FAM20B: variants seen among roughly 807,000 people sequenced by gnomAD.
The protein encoded by FAM20B is FAM20B glycosaminoglycan xylosylkinase.
A neutral mutation model predicts 43.8 loss-of-function variants in FAM20B; 23 were observed. The ratio of observed to expected loss-of-function variants is 0.53; its 90% CI spans 0.38 to 0.74. The LOEUF (loss-of-function observed/expected upper bound fraction) is 0.74. Among genes scored for constraint, FAM20B ranks in the 30% least tolerant of loss-of-function variants. The pLI is 0.00. For missense variants in FAM20B, 440 were observed against 510.5 expected (o/e 0.86, Z 1.33); for synonymous variants, 178 against 192.4 (o/e 0.93, Z 0.62).
chr1:179,035,383 G>A, intron 1 of FAM20B: 2 of 707,750 alleles, frequency 2.8e-6, no homozygotes, highest in Non-Finnish European at 5.2e-6. Context: ...GTCCTCGTGG[G>A]CTTCATGAGA....
chr1:179,051,654 AT>A (rs35065481), intron 3 of FAM20B, among the ~76,000 whole-genome samples: 6 of 151,482 alleles, frequency 4.0e-5, no homozygotes, highest in Non-Finnish European at 1.5e-5. Flanking sequence ...TAATAAATAA[AT>A]TTTTTTTCTG....
upstream of FAM20B, among the ~76,000 whole-genome samples, chr1:179,022,007 T>C (rs1649611426): frequency 6.6e-6 from 1 of 152,250 alleles, no homozygotes; most frequent in Non-Finnish European, 1.5e-5. Context: ...ATGTAGCTTA[T>C]GATGCTGTCC....
At position 179,066,808 on chromosome 1, in the gene FAM20B, A is replaced by G. The variant is rs1651708671; in HGVS notation, c.947A>G (p.Asn316Ser). 1.9e-6 allele frequency: 3 copies of G among 1,611,254 alleles called. No homozygotes were observed. The African/African-American group carries it at 4.0e-5, about 22-fold the overall frequency. The stretch of plus-strand genomic sequence containing the variant: ...TTTAATTTAATTTTCAGCTTTGGGA[A>G]CCCCTCGCTGGATGAAAGAAGCATT... ...ILLDNAKSFG[N>S]PSLDERSILA... Residue 316 changes from asparagine (N) to serine (S), a missense_variant, in exon 7 of 8, where the codon AAC becomes AGC. Coordinates refer to ENST00000263733, the MANE Select transcript of FAM20B (RefSeq NM_014864.4).
chr1:179,037,479 C>CTTTTTTTTTTTT (rs768903406), intron 1 of FAM20B, among the ~76,000 whole-genome samples: 5 of 88,380 alleles, frequency 5.7e-5, no homozygotes, highest in African/African-American at 9.5e-5. Flanking sequence ...GTATGTCGGT[C>CTTTTTTTTTTTT]TTTTTTTTTT....
rs891380995 is a variant in FAM20B at position 179,074,326 on chromosome 1, G to C, written c.*2182G>C. The stretch of plus-strand genomic sequence containing the variant: ...TGTGTCCAGGGAAATTCACAGCTCA[G>C]TATGAGAATACCTTGGTTAGTGCTC... On this transcript the variant is annotated 3_prime_UTR_variant, in exon 8 of 8. Transcript: ENST00000263733. The C allele has an allele frequency of 6.6e-6, 1 of 152,654 alleles. No individual in the cohort carries two copies. Among genetic ancestry groups the C allele is most frequent in the Non-Finnish European group, 1.5e-5 (1 of 68,046 alleles). The allele number at this position is 152,654 out of a possible 1,614,324, so 9.5% of individuals were successfully genotyped here. A position where few individuals can be genotyped will look rare whatever the true frequency, so the allele number is the denominator to read the frequency against.
chr1:179,040,147 C>T (rs866282252), intron 1 of FAM20B, among the ~76,000 whole-genome samples: 13 of 152,352 alleles, frequency 8.5e-5, no homozygotes, highest in African/African-American at 1.4e-4. Flanking sequence ...TACACAGACA[C>T]GGCAACCATC....
Position 179,044,076 on chromosome 1 carries a change from T to C in FAM20B, c.229T>C (p.Tyr77His). The C allele has an allele frequency of 6.2e-7, 1 of 1,614,054 alleles. No homozygotes were observed. The highest frequency in any genetic ancestry group is 1.1e-5 in the South Asian group (1 of 91,078). The change falls in exon 2 of 8, where the codon TAC (tyrosine) becomes CAC (histidine). Residue 77 changes from tyrosine to histidine, a missense_variant. By Grantham distance (83) the Tyr-to-His change is moderately conservative (BLOSUM62 2). Transcript: ENST00000263733. ...CCAGTGGGTGGTTCCCCGGGAAGTG[T>C]ACCCTGAAGAGACACCAGAGCTGGG... The part of the protein sequence containing the change: ...AAQWVVPREV[Y>H]PEETPELGAV...
intron 7 of FAM20B, among the ~76,000 whole-genome samples, chr1:179,069,747 C>G (rs1651836971): frequency 1.3e-5 from 2 of 152,184 alleles, no homozygotes; most frequent in South Asian, 4.1e-4. Flanking sequence ...AGAGGAAGCT[C>G]TGATGCTCTG....
Position 179,043,806 on chromosome 1 carries a change from C to T in FAM20B, c.-42C>T, listed in dbSNP as rs1395731791. On this transcript the variant is annotated 5_prime_UTR_variant, in exon 2 of 8. Coordinates refer to ENST00000263733, the MANE Select transcript of FAM20B (RefSeq NM_014864.4). ...CCATCACCACCAGCTCTCCTTAATA[C>T]ATGAGCAAGAGTGGGTCAGGGGAGA... is the stretch of plus-strand genomic sequence containing the variant. 8.4e-6 allele frequency: 13 copies of T among 1,544,242 alleles called. No homozygotes were observed. Among genetic ancestry groups the T allele is most frequent in the Non-Finnish European group, 9.6e-6 (11 of 1,140,424 alleles).
chr1:179,048,864 A>G (rs1349474524), intron 2 of FAM20B, among the ~76,000 whole-genome samples: 5 of 152,186 alleles, frequency 3.3e-5, no homozygotes, highest in Non-Finnish European at 5.9e-5. Context: ...ATTTCACTTT[A>G]TATTCTAAGG....
intron 1 of FAM20B, among the ~76,000 whole-genome samples, chr1:179,038,374 G>T (rs1228894303): frequency 6.8e-6 from 1 of 147,484 alleles, no homozygotes; most frequent in Non-Finnish European, 1.5e-5. Flanking sequence ...TTGCTCCATG[G>T]CATTCCAGCC....
chr1:179,044,259 T>C, intron 2 of FAM20B, 35 bp downstream of exon 2: 2 of 1,555,342 alleles, frequency 1.3e-6, no homozygotes, highest in Non-Finnish European at 1.7e-6. Flanking sequence ...ATGTGCTAGT[T>C]GGTTGATTCA....
At chr1:179,071,862 G>T (rs561162986) in intron 7 of FAM20B, 51 bp from the exon 8 acceptor site, 4 of 1,302,198 alleles carry the variant, frequency 3.1e-6, no homozygotes, top group Non-Finnish European at 3.3e-6. Context: ...TTTCAACTCC[G>T]TTTGATAATG....
chr1:179,059,357 A>G (rs1182587933), intron 4 of FAM20B, among the ~76,000 whole-genome samples: 1 of 152,184 alleles, frequency 6.6e-6, no homozygotes, highest in Non-Finnish European at 1.5e-5. Flanking sequence ...ATTGCCATGG[A>G]TTGCCTCATT....
At chr1:179,031,736 T>A (rs1295055743) in intron 1 of FAM20B, among the ~76,000 whole-genome samples, 1 of 152,112 alleles carries the variant, frequency 6.6e-6, no homozygotes, top group Non-Finnish European at 1.5e-5. Flanking sequence ...GAATTAGATT[T>A]TCTACACCTG....
rs1220374319 is a variant in FAM20B, at chr1:179,072,368, G to A, written c.*224G>A. ...TGCTGAATCGCCTTCTCACCTCCTC[G>A]GCAATTGCTCATTCTAGGGTTGGGC... is the stretch of plus-strand genomic sequence containing the variant. On this transcript the variant is annotated 3_prime_UTR_variant, in exon 8 of 8. Coordinates refer to ENST00000263733, the MANE Select transcript of FAM20B (RefSeq NM_014864.4). 9 of 543,356 alleles carry A rather than the reference G, an allele frequency of 1.7e-5. No homozygotes were observed. The highest frequency in any genetic ancestry group is 2.3e-5 in the Non-Finnish European group (7 of 302,368). 33.7% of individuals were successfully genotyped at this position (543,356 alleles called of 1,614,324 possible).
chr1:179,059,919 C>T (rs541758597), intron 4 of FAM20B, among the ~76,000 whole-genome samples: 10 of 151,706 alleles, frequency 6.6e-5, no homozygotes, highest in African/African-American at 1.9e-4. Context: ...TTGCAGTGAG[C>T]CGAGATCATG....
At chr1:179,019,404 C>T in the FAM20B span, among the ~76,000 whole-genome samples, 3 of 151,000 alleles carry the variant, frequency 2.0e-5, no homozygotes, top group African/African-American at 7.3e-5. Flanking sequence ...GGTTGGATGA[C>T]TGGTGGTCAC....
chr1:179,038,121 A>G (rs1650326848), intron 1 of FAM20B, among the ~76,000 whole-genome samples: 1 of 152,106 alleles, frequency 6.6e-6, no homozygotes, highest in Admixed American at 6.5e-5. Context: ...TTAAAAGTTT[A>G]TGGGTTGGTC....
Sources: allele counts gnomAD v4.1 joint callset (sites outside exome capture counted in the v4.1 genomes callset), GRCh38; gene constraint gnomAD v4.1.1; transcripts MANE v1.5; gene names NCBI Gene and HGNC (gene_info 2026-07-23, HGNC 2026-07-21).